Variants in LIN54 observed in about 807,000 individuals in gnomAD.
LIN54 encodes lin-54 DREAM MuvB core complex component.
LIN54 carries 9 observed loss-of-function variants against 78.7 expected under a neutral mutation model. That is an observed-to-expected ratio of 0.11 (90% CI 0.07 to 0.20). LIN54 has a LOEUF of 0.20. Among genes scored for constraint, LIN54 ranks in the 10% least tolerant of loss-of-function variants. LIN54 has a pLI of 1.00. For missense variants in LIN54, 573 were observed against 889.9 expected, an observed-to-expected ratio of 0.64 and a Z score of 4.53; for synonymous variants, 269 against 318.4, an observed-to-expected ratio of 0.84 and a Z score of 1.65.
intron 2 of LIN54, among the ~76,000 whole-genome samples, chr4:82,979,221 C>T (rs1726419681): frequency 6.6e-6 from 1 of 152,054 alleles, no homozygotes; most frequent in Non-Finnish European, 1.5e-5. Context: ...AATACCTTTG[C>T]ATTTTATTAC....
intron 4 of LIN54, among the ~76,000 whole-genome samples, chr4:82,960,509 A>G (rs1724699496): frequency 6.6e-6 from 1 of 150,508 alleles, no homozygotes; most frequent in Non-Finnish European, 1.5e-5. Flanking sequence ...TTGTGGCTCA[A>G]TGCAGCCTCA....
At position 82,925,730 on chromosome 4, in the gene LIN54, T is replaced by C. The variant is rs1004765755; in HGVS notation, c.*2372A>G. On this transcript the variant is annotated 3_prime_UTR_variant, in exon 13 of 13. Coordinates refer to ENST00000340417, the MANE Select transcript of LIN54 (RefSeq NM_194282.4). ...ATGCAAAACCTTTTTTACAGAATAG[T>C]ATAAATGTTTATTTTCTGTATGATT... 1 of 152,668 alleles carries C rather than the reference T, an allele frequency of 6.6e-6. No homozygotes were observed. The highest frequency in any genetic ancestry group is 2.4e-5 in the African/African-American group (1 of 41,458). 9.5% of individuals were successfully genotyped at this position (152,668 alleles called of 1,614,324 possible).
chr4:82,969,533 T>C (rs530441471), intron 4 of LIN54, among the ~76,000 whole-genome samples: 4 of 152,318 alleles, frequency 2.6e-5, no homozygotes, highest in South Asian at 2.1e-4. Flanking sequence ...TTGTACATTA[T>C]AGTCAAGGCT....
At chr4:82,946,972 T>TTGAACTCC (rs1377193854) in intron 4 of LIN54, among the ~76,000 whole-genome samples, 2 of 151,840 alleles carry the variant, frequency 1.3e-5, no homozygotes, top group African/African-American at 4.8e-5. Context: ...CAGACTGGTC[T>TTGAACTCC]TGAACTCCTG....
At position 83,004,643 on chromosome 4, in the gene LIN54, AG is replaced by A. The variant is rs1201098552; in HGVS notation, c.-33+5840del. Among the ~76,000 whole-genome samples, 19 of 143,672 alleles carry A rather than the reference AG, an allele frequency of 1.3e-4. No homozygotes were observed. In the East Asian group the frequency reaches 3.3e-3, roughly 25 times the overall value. The allele number at this position is 143,672 out of a possible 152,430, so 94.3% of individuals were successfully genotyped here. A position where few individuals can be genotyped will look rare whatever the true frequency, so the allele number is the denominator to read the frequency against. ...TAGCGGGGACTACAGAACGAGCACA[AG>A]CCATCACACTCTGGCCAATTTTCTT... On this transcript the variant is annotated intron_variant, in intron 1 of 12. Transcript: ENST00000340417.
intron 4 of LIN54, among the ~76,000 whole-genome samples, chr4:82,953,976 T>C (rs1405829599): frequency 1.3e-5 from 2 of 151,826 alleles, no homozygotes; most frequent in African/African-American, 4.8e-5. Context: ...TGATATAGAA[T>C]CAAATACCAA....
At chr4:82,965,209 G>C (rs1377686744) in intron 4 of LIN54, among the ~76,000 whole-genome samples, 1 of 151,978 alleles carries the variant, frequency 6.6e-6, no homozygotes, top group Non-Finnish European at 1.5e-5. Flanking sequence ...AAAACAAGCA[G>C]AATCACATTT....
At chr4:82,980,771 T>C (rs759458313) in intron 2 of LIN54, among the ~76,000 whole-genome samples, 1 of 152,126 alleles carries the variant, frequency 6.6e-6, no homozygotes, top group Non-Finnish European at 1.5e-5. Context: ...TCTCTAGAGG[T>C]AGAAGTATTA....
In LIN54 at chr4:82,927,483, ATATTT is replaced by A. The variant is rs1192561652; in HGVS notation, c.*614_*618del. On this transcript the variant is annotated 3_prime_UTR_variant, in exon 13 of 13. Transcript: ENST00000340417. ...ATCCTCTGAGATTTACTGTCCTTTA[ATATTT>A]TATATGTTTTTTTAAATAACTTTAA... The A allele has an allele frequency of 6.6e-6, 1 of 152,182 alleles. No homozygotes were observed. Among genetic ancestry groups the A allele is most frequent in the Non-Finnish European group, 1.5e-5 (1 of 68,042 alleles). 9.4% of individuals were successfully genotyped at this position (152,182 alleles called of 1,614,324 possible).
chr4:82,955,752 C>T (rs1724267473), intron 4 of LIN54, among the ~76,000 whole-genome samples: 1 of 56,712 alleles, frequency 1.8e-5, no homozygotes, highest in Admixed American at 2.4e-4. Flanking sequence ...AGACCCCTAT[C>T]TCATTACAAA....
chr4:82,991,391 A>G (rs1727694191), intron 1 of LIN54, among the ~76,000 whole-genome samples: 1 of 152,206 alleles, frequency 6.6e-6, no homozygotes, highest in Non-Finnish European at 1.5e-5. Context: ...GTATCCTACA[A>G]CCTAGCTAAA....
chr4:82,935,399 G>A (rs1042312354), intron 11 of LIN54, among the ~76,000 whole-genome samples: 3 of 151,396 alleles, frequency 2.0e-5, no homozygotes, highest in Non-Finnish European at 2.9e-5. Context: ...AGCGATTCTC[G>A]TGCCTCAGCC....
chr4:82,997,622 G>A (rs527421714), intron 1 of LIN54, among the ~76,000 whole-genome samples: 1 of 152,108 alleles, frequency 6.6e-6, no homozygotes, highest in Admixed American at 6.6e-5. Flanking sequence ...GAGGCAGGGA[G>A]ACCAGTTGGA....
intron 1 of LIN54, among the ~76,000 whole-genome samples, chr4:82,998,651 A>G (rs1728471399): frequency 6.6e-6 from 1 of 152,048 alleles, no homozygotes; most frequent in Admixed American, 6.6e-5. Context: ...AGAAAGAGAA[A>G]GAAAGAAAGA....
intron 3 of LIN54, among the ~76,000 whole-genome samples, chr4:82,972,998 A>G (rs932853567): frequency 6.6e-6 from 1 of 151,612 alleles, no homozygotes; most frequent in African/African-American, 2.4e-5. Flanking sequence ...GCAATTCCTG[A>G]GGATAACTGG....
rs753142749 is a variant in LIN54, at chr4:82,925,692, T to C, written c.*2410A>G. On this transcript the variant is annotated 3_prime_UTR_variant, in exon 13 of 13. Transcript: ENST00000340417. The stretch of plus-strand genomic sequence containing the variant: ...AATGGTTAATAAAGTGGTGTTATTA[T>C]ACTAAAGAAAAAATGCAAAACCTTT... 9.8e-5 allele frequency: 15 copies of C among 152,660 alleles called. No individual in the cohort carries two copies. Among genetic ancestry groups the C allele is most frequent in the Non-Finnish European group, 2.1e-4 (14 of 68,040 alleles). 9.5% of individuals were successfully genotyped at this position (152,660 alleles called of 1,614,324 possible). A position where few individuals can be genotyped will look rare whatever the true frequency, so the allele number is the denominator to read the frequency against.
intron 4 of LIN54, among the ~76,000 whole-genome samples, chr4:82,958,719 TG>T (rs1724542819): frequency 6.6e-6 from 1 of 152,312 alleles, no homozygotes; most frequent in South Asian, 2.1e-4. Context: ...ATTTTTGAGA[TG>T]GAGTCTTGCT....
chr4:82,927,984 G>T lies in LIN54; in HGVS notation c.*118C>A. The T allele has an allele frequency of 1.3e-6, 1 of 780,132 alleles. No homozygotes were observed. Among genetic ancestry groups the T allele is most frequent in the Non-Finnish European group, 2.1e-6 (1 of 471,370 alleles). The allele number at this position is 780,132 out of a possible 1,614,324, so 48.3% of individuals were successfully genotyped here. ...CTTCTCCTTCAGTATTATAATTTCA[G>T]GTCTTTTAAAACAAGGACTGAATTA... On this transcript the variant is annotated 3_prime_UTR_variant, in exon 13 of 13. Coordinates refer to ENST00000340417, the MANE Select transcript of LIN54 (RefSeq NM_194282.4).
intron 1 of LIN54, among the ~76,000 whole-genome samples, chr4:82,994,510 G>A (rs1270757842): frequency 6.6e-6 from 1 of 151,850 alleles, no homozygotes; most frequent in Non-Finnish European, 1.5e-5. Context: ...CAATTCCCCT[G>A]CCTCAGCCTC....
Sources: gnomAD v4.1 joint callset for allele counts (sites outside exome capture counted in the v4.1 genomes callset) on GRCh38, gnomAD v4.1.1 for gene constraint, MANE v1.5 for transcripts, NCBI Gene and HGNC (gene_info 2026-07-23, HGNC 2026-07-21) for gene names.